FERMT1: variants seen among roughly 807,000 people sequenced by gnomAD.
FERMT1 encodes the protein FERM domain containing kindlin 1.
In FERMT1, 60 loss-of-function variants were observed where a neutral mutation model predicts 85.3. That is an observed-to-expected ratio of 0.70 (90% CI 0.57 to 0.87). The LOEUF (loss-of-function observed/expected upper bound fraction) is 0.87. FERMT1 is among the 40% of genes least tolerant of loss of function. The pLI, the probability that FERMT1 is intolerant of heterozygous loss-of-function variation, is 0.00. For missense variants in FERMT1, 701 were observed against 818.9 expected (o/e 0.86, Z 1.76); for synonymous variants, 275 against 301.1 (o/e 0.91, Z 0.90).
At chr20:6,102,804 T>G (rs572842867) in intron 6 of FERMT1, among the ~76,000 whole-genome samples, 3 of 151,864 alleles carry the variant, frequency 2.0e-5, no homozygotes, top group Non-Finnish European at 2.9e-5. Context: ...GTCAGTTCAG[T>G]AAACCCTCCA....
chr20:6,115,789 G>A, intron 3 of FERMT1, 22 bp downstream of exon 3: 1 of 1,561,348 alleles, frequency 6.4e-7, no homozygotes, highest in Non-Finnish European at 8.8e-7. Flanking sequence ...ACAGGGCACA[G>A]GGGCCTTTCC....
At chr20:6,116,428 GA>G (rs1402180054) in intron 2 of FERMT1, among the ~76,000 whole-genome samples, 2 of 151,574 alleles carry the variant, frequency 1.3e-5, no homozygotes, top group African/African-American at 4.8e-5. Context: ...AATTAAAAAA[GA>G]AAAAGAAAAA....
chr20:6,110,221 G>C, intron 5 of FERMT1, 77 bp downstream of exon 5: 1 of 1,290,002 alleles, frequency 7.8e-7, no homozygotes. Context: ...CTACCAACTT[G>C]AAAATGAAAC....
intron 4 of FERMT1, 106 bp from the exon 5 acceptor site, chr20:6,110,617 T>A: frequency 2.1e-6 from 2 of 937,640 alleles, no homozygotes; most frequent in East Asian, 2.4e-5. Context: ...ACTTTAAATT[T>A]GGCACCATTT....
In FERMT1 at chr20:6,077,142, TG is replaced by T. The variant is rs1411127026; in HGVS notation, c.*30del. On this transcript the variant is annotated 3_prime_UTR_variant, in exon 15 of 15. Coordinates refer to ENST00000217289, the MANE Select transcript of FERMT1 (RefSeq NM_017671.5). ...GGGGAGGGGCGCCTTTGGCTTGCCT[TG>T]TTGGTGTGAGCCGAGCACGCGTGCT... is the stretch of plus-strand genomic sequence containing the variant. 1 of 1,611,564 alleles carries T rather than the reference TG, an allele frequency of 6.2e-7. No homozygotes were observed. Among genetic ancestry groups the T allele is most frequent in the Non-Finnish European group, 8.5e-7 (1 of 1,178,974 alleles).
Position 6,096,970 on chromosome 20 carries a change from C to G in FERMT1, c.1021G>C (p.Asp341His). 6.2e-7 allele frequency: 1 copy of G among 1,614,060 alleles called. No individual in the cohort carries two copies. The highest frequency in any genetic ancestry group is 8.5e-7 in the Non-Finnish European group (1 of 1,179,960). Residue 341 changes from aspartate to histidine, a missense_variant, in exon 8 of 15, where the codon GAT (aspartate) becomes CAT (histidine). Transcript: ENST00000217289. ...TQDFAGESEV[D>H]EIEAALSNLE... ...TTAGAAAGCGCCGCTTCTATTTCAT[C>G]AACCTCGGACTCGCCTGCAAAATCC... is the stretch of plus-strand genomic sequence containing the variant.
intron 4 of FERMT1, 112 bp downstream of exon 4, chr20:6,112,365 C>T: frequency 2.8e-6 from 3 of 1,083,154 alleles, no homozygotes; most frequent in Non-Finnish European, 4.2e-6. Flanking sequence ...CTCATCACAT[C>T]AGTTCTGCAA....
chr20:6,114,253 A>G (rs968940496), intron 3 of FERMT1, among the ~76,000 whole-genome samples: 5 of 152,204 alleles, frequency 3.3e-5, no homozygotes, highest in Non-Finnish European at 5.9e-5. Flanking sequence ...TAAAAGCAAA[A>G]CAATGAAACA....
At chr20:6,078,965 GT>G (rs1422318140) in intron 14 of FERMT1, among the ~76,000 whole-genome samples, 2 of 152,124 alleles carry the variant, frequency 1.3e-5, no homozygotes, top group African/African-American at 2.4e-5. Flanking sequence ...TTCTTCAGCA[GT>G]TTTTCCCTTT....
At chr20:6,115,274 T>C (rs889005479) in intron 3 of FERMT1, among the ~76,000 whole-genome samples, 4 of 152,208 alleles carry the variant, frequency 2.6e-5, no homozygotes, top group African/African-American at 9.7e-5. Context: ...TTTACGACTG[T>C]TAAATTATAG....
chr20:6,112,576 A>C lies in FERMT1; in HGVS notation c.433T>G (p.Tyr145Asp), dbSNP rs1230840491. The change falls in exon 4 of 15, where the codon TAT (tyrosine) becomes GAT (aspartate). Residue 145 changes from tyrosine (Y) to aspartate (D), a missense_variant. Tyr to Asp is a radical substitution (Grantham distance 160, BLOSUM62 -3). Transcript: ENST00000217289. ...TCTTTTTTCTTCTTCTTCTTAAAAT[A>C]GTCACCAGACGGCTTTAACAAGGAA... ...ELSLLKPSGD[Y>D]FKKKKKKDKN... 21 of 1,605,182 alleles carry C rather than the reference A, an allele frequency of 1.3e-5. No individual in the cohort carries two copies. The highest frequency in any genetic ancestry group is 1.7e-5 in the Non-Finnish European group (20 of 1,174,654).
At position 6,112,595 on chromosome 20, in the gene FERMT1, C is replaced by T. The variant is rs539867893; in HGVS notation, c.414G>A (p.Leu138=). 4 of 1,593,144 alleles carry T rather than the reference C, an allele frequency of 2.5e-6. No homozygotes were observed. In the Admixed American group the frequency reaches 5.2e-5, roughly 21 times the overall value. ...TAAAATAGTCACCAGACGGCTTTAA[C>T]AAGGAAAGCTCTTCTGATCTTCTAA... The part of the protein sequence containing the change: ...LNIRRSEELS[L]LKPSGDYFKK... The change falls in exon 4 of 15, where the codon TTG becomes TTA. Residue 138 remains leucine (L), a synonymous_variant. Transcript: ENST00000217289.
At chr20:6,081,817 T>G (rs1352134620) in intron 13 of FERMT1, among the ~76,000 whole-genome samples, 1 of 152,190 alleles carries the variant, frequency 6.6e-6, no homozygotes, top group Admixed American at 6.5e-5. Flanking sequence ...TTTCACATCA[T>G]TCTTATCTTC....
chr20:6,104,569 T>C lies in FERMT1; in HGVS notation c.849+2963A>G, dbSNP rs11700084. On this transcript the variant is annotated intron_variant, in intron 6 of 14. Coordinates refer to ENST00000217289, the MANE Select transcript of FERMT1 (RefSeq NM_017671.5). This position sits in a 1 kb window ranked among gnomAD's most constrained non-coding sequence, Gnocchi z 4.2. Reference sequence around the variant, plus strand: ...CAGTGTCCTCCAATGCCATGTCCCATTATCCTGAGTCTTCCTGTCACCTTT... The same window carrying C: ...CAGTGTCCTCCAATGCCATGTCCCACTATCCTGAGTCTTCCTGTCACCTTT... 0.21 allele frequency among the ~76,000 whole-genome samples: 32,394 copies of C among 152,124 alleles called. 4,202 individuals are homozygous for C. The highest frequency in any genetic ancestry group is 0.54 in the East Asian group (2,812 of 5,174).
rs1297832260 is a variant in FERMT1, at chr20:6,112,354, C to T, written c.532+123G>A. On this transcript the variant is annotated intron_variant, in intron 4 of 14. Coordinates refer to ENST00000217289, the MANE Select transcript of FERMT1 (RefSeq NM_017671.5). ...TTCTAAACTTGACTAGATAGCCTTT[C>T]CTCATCACATCAGTTCTGCAATTTT... 5.2e-6 allele frequency: 5 copies of T among 968,808 alleles called. No homozygotes were observed. In the African/African-American group the frequency reaches 8.0e-5, roughly 16 times the overall value. 60.0% of individuals were successfully genotyped at this position (968,808 alleles called of 1,614,324 possible).
Position 6,104,202 on chromosome 20 carries a change from G to A in FERMT1, c.849+3330C>T, listed in dbSNP as rs1420637881. Among the ~76,000 whole-genome samples the A allele has an allele frequency of 6.6e-6, 1 of 152,106 alleles. No homozygotes were observed. The highest frequency in any genetic ancestry group is 1.5e-5 in the Non-Finnish European group (1 of 68,024). On this transcript the variant is annotated intron_variant, in intron 6 of 14. Coordinates refer to ENST00000217289, the MANE Select transcript of FERMT1 (RefSeq NM_017671.5). The surrounding 1 kb of genome is among the most constrained non-coding windows in gnomAD (Gnocchi z 4.2). ...ATTATTTTTGAAATGTTGAATTCTAGCATTTTACGTATCTGAGATTTTAAT... is the reference window on the plus strand; with the variant it reads ...ATTATTTTTGAAATGTTGAATTCTAACATTTTACGTATCTGAGATTTTAAT...
intron 11 of FERMT1, 92 bp from the exon 12 acceptor site, chr20:6,085,379 G>A (rs773945866): frequency 6.5e-5 from 73 of 1,119,402 alleles, no homozygotes; most frequent in Non-Finnish European, 9.0e-5. Context: ...CCATTACAGT[G>A]CAAAACCATC....
intron 5 of FERMT1, among the ~76,000 whole-genome samples, 166 bp downstream of exon 5, chr20:6,110,132 A>G (rs1438895622): frequency 6.6e-6 from 1 of 152,246 alleles, no homozygotes; most frequent in African/African-American, 2.4e-5. Flanking sequence ...AAATATACTG[A>G]AATGACCAAA....
intron 13 of FERMT1, 70 bp downstream of exon 13, chr20:6,083,970 A>G: frequency 1.3e-5 from 20 of 1,576,928 alleles, no homozygotes; most frequent in Non-Finnish European, 1.6e-5. Context: ...TAAATGAGAA[A>G]ACTGGGGCTC....
Sources: allele counts gnomAD v4.1 joint callset (sites outside exome capture counted in the v4.1 genomes callset), GRCh38; gene constraint gnomAD v4.1.1; non-coding constraint Gnocchi (gnomAD v3.1); transcripts MANE v1.5; gene names NCBI Gene and HGNC (gene_info 2026-07-23, HGNC 2026-07-21).